Variants in CASP1 observed in about 807,000 individuals in gnomAD.
CASP1 encodes the protein caspase 1.
CASP1 carries 31 observed loss-of-function variants against 41.2 expected under a neutral mutation model. That is an observed-to-expected ratio of 0.75 (90% CI 0.57 to 1.02). The LOEUF (loss-of-function observed/expected upper bound fraction) is 1.02. Ranked by LOEUF, CASP1 falls within the 50% of genes least tolerant of loss-of-function variation. The probability of loss-of-function intolerance (pLI) is 0.00; values close to 1 mark genes in which losing one functional copy is unlikely to be tolerated. For missense variants in CASP1, 490 were observed against 495.7 expected (o/e 0.99, Z 0.11); for synonymous variants, 163 against 166.5 (o/e 0.98, Z 0.16).
intron 3 of CASP1, 32 bp from the exon 4 acceptor site, chr11:105,031,312 G>A (rs754891981): frequency 1.6e-6 from 2 of 1,260,836 alleles, no homozygotes; most frequent in African/African-American, 1.5e-5. Flanking sequence ...ATGAACAGTG[G>A]CATCCCTGTT....
At chr11:105,026,690 G>C in intron 8 of CASP1, 152 bp downstream of exon 8, 1 of 618,544 alleles carries the variant, frequency 1.6e-6, no homozygotes. Flanking sequence ...AGGCTCCTGG[G>C]TTTGTCCACT....
intron 5 of CASP1, 87 bp downstream of exon 5, chr11:105,030,243 A>AT: frequency 8.9e-7 from 1 of 1,125,452 alleles, no homozygotes; most frequent in Non-Finnish European, 1.3e-6. Context: ...AAGAGATTAC[A>AT]TTTCTTGGTC....
chr11:105,034,964 C>G, intron 1 of CASP1, 143 bp downstream of exon 1: 14 of 1,057,214 alleles, frequency 1.3e-5, no homozygotes, highest in Non-Finnish European at 1.7e-5. Context: ...TCTTCTAGTT[C>G]CTTCTCTCCT....
At chr11:105,035,190 T>TTGGGAA, upstream of CASP1, 4 of 1,585,942 alleles carry the variant, frequency 2.5e-6, no homozygotes, top group Admixed American at 3.3e-5. Context: ...GGCCTGTACA[T>TTGGGAA]GTATTGGGAA....
Position 105,031,163 on chromosome 11 carries a change from A to C in CASP1, c.453+2T>G, listed in dbSNP as rs1380207758. On this transcript the variant is annotated splice_donor_variant, in intron 4 of 8. Coordinates refer to ENST00000533400, the MANE Select transcript of CASP1 (RefSeq NM_001257118.3). LOFTEE classifies it high-confidence loss of function. ...TCTATCCTTGGGTTCTGAGCATGGC[A>C]CCTCTGCCGACTTTTGTTTCCATAT... 1 of 1,568,852 alleles carries C rather than the reference A, an allele frequency of 6.4e-7. No homozygotes were observed. Among genetic ancestry groups the C allele is most frequent in the Non-Finnish European group, 8.8e-7 (1 of 1,139,162 alleles).
chr11:105,035,616 C>CTTTTTTTTTTTTTTTTTTTT (rs770202897), upstream of CASP1, among the ~76,000 whole-genome samples: 21 of 52,046 alleles, frequency 4.0e-4, no homozygotes, highest in Admixed American at 5.9e-4. Context: ...TTTTTTCTTT[C>CTTTTTTTTTTTTTTTTTTTT]TGTTTTTTTT....
upstream of CASP1, among the ~76,000 whole-genome samples, chr11:105,035,826 G>A (rs1291417809): frequency 1.3e-5 from 2 of 151,786 alleles, no homozygotes; most frequent in Admixed American, 6.6e-5. Flanking sequence ...GTGTTTCCTA[G>A]GCTTGTCTTC....
Position 105,025,621 on chromosome 11 carries a change from T to TAAAA in CASP1, c.*633_*636dup. Reference sequence around the variant, plus strand: ...ACTTCCTATGAGAAAAAGAAATAATTAAAAAAAAAAACATAGGAAAGAATT... The same window carrying TAAAA: ...ACTTCCTATGAGAAAAAGAAATAATTAAAAAAAAAAAAAAACATAGGAAAGAATT... On this transcript the variant is annotated 3_prime_UTR_variant, in exon 9 of 9. Transcript: ENST00000533400. 2.9e-6 allele frequency: 1 copy of TAAAA among 342,146 alleles called. No homozygotes were observed. Among genetic ancestry groups the TAAAA allele is most frequent in the Non-Finnish European group, 5.7e-6 (1 of 175,564 alleles). 21.2% of individuals were successfully genotyped at this position (342,146 alleles called of 1,614,324 possible).
At chr11:105,035,974 T>G (rs1020325932), upstream of CASP1, among the ~76,000 whole-genome samples, 2 of 152,098 alleles carry the variant, frequency 1.3e-5, no homozygotes, top group African/African-American at 4.8e-5. Context: ...GGCTCTGGAA[T>G]GAGAATGTCG....
At chr11:105,029,613 A>G in intron 6 of CASP1, 52 bp downstream of exon 6, 1 of 1,353,398 alleles carries the variant, frequency 7.4e-7, no homozygotes, top group Non-Finnish European at 1.1e-6. Flanking sequence ...GGATGCATAC[A>G]GAGTAGGATA....
chr11:105,033,159 C>T (rs1360117008), intron 2 of CASP1, 33 bp from the exon 3 acceptor site: 2 of 1,306,876 alleles, frequency 1.5e-6, no homozygotes, highest in Non-Finnish European at 2.2e-6. Flanking sequence ...GAAGTAGTCA[C>T]TTATCATCTC....
intron 7 of CASP1, among the ~76,000 whole-genome samples, chr11:105,028,021 C>G (rs1415274178): frequency 6.6e-6 from 1 of 152,070 alleles, no homozygotes; most frequent in Admixed American, 6.6e-5. Context: ...CTACAAAGAG[C>G]TACTTAGAGA....
chr11:105,034,701 C>A (rs1863916494), intron 1 of CASP1: 4 of 703,328 alleles, frequency 5.7e-6, no homozygotes, highest in African/African-American at 5.4e-5. Context: ...CCACATCAGT[C>A]CCTGGAAAGC....
rs138314317 is a variant in CASP1, at chr11:105,029,146, G to T, written c.984C>A (p.Ile328=). The part of the protein sequence containing the change: ...IKKAHIEKDF[I]AFCSSTPDNV... Reference sequence around the variant, plus strand: ...TACCTGGTGTGGAAGAGCAGAAAGCGATAAAATCCTTCTCTATGTGGGCTT... The same window carrying T: ...TACCTGGTGTGGAAGAGCAGAAAGCTATAAAATCCTTCTCTATGTGGGCTT... The change falls in exon 7 of 9, where the codon ATC becomes ATA. Residue 328 remains isoleucine (I), a synonymous_variant. Transcript: ENST00000533400. The T allele has an allele frequency of 7.4e-6, 12 of 1,613,104 alleles. 1 individual carries two copies. The East Asian group carries it at 2.7e-4, about 36-fold the overall frequency.
chr11:105,036,475 G>C (rs1864024556), upstream of CASP1, among the ~76,000 whole-genome samples: 3 of 152,238 alleles, frequency 2.0e-5, no homozygotes, highest in South Asian at 6.2e-4. Context: ...TGTTATGGGA[G>C]GTATCTGGTG....
At chr11:105,026,643 TG>T in intron 8 of CASP1, 198 bp downstream of exon 8, 1 of 601,954 alleles carries the variant, frequency 1.7e-6, no homozygotes, top group East Asian at 2.7e-5. Context: ...ACTAAATGAT[TG>T]TTTTCTCAAG....
Position 105,026,375 on chromosome 11 carries a change from T to C in CASP1, c.1117-19A>G. The C allele has an allele frequency of 6.6e-7, 1 of 1,515,510 alleles. No individual in the cohort carries two copies. Among genetic ancestry groups the C allele is most frequent in the Non-Finnish European group, 9.0e-7 (1 of 1,105,600 alleles). The allele number at this position is 1,515,510 out of a possible 1,614,324, so 93.9% of individuals were successfully genotyped here. A position where few individuals can be genotyped will look rare whatever the true frequency, so the allele number is the denominator to read the frequency against. ...ATCGAACCTAAAAGAGTAAGGAAAG[T>C]CTGTAGCCCTTTTTTTTGCTGAGTT... On this transcript the variant is annotated intron_variant, in intron 8 of 8. Transcript: ENST00000533400.
chr11:105,032,066 A>G (rs924252852), intron 3 of CASP1, among the ~76,000 whole-genome samples: 7 of 152,202 alleles, frequency 4.6e-5, no homozygotes, highest in Admixed American at 1.3e-4. Context: ...TAAAATAGAA[A>G]TAAGTTTTCT....
intron 4 of CASP1, 176 bp from the exon 5 acceptor site, chr11:105,030,679 C>T (rs1248147504): frequency 5.7e-6 from 3 of 529,502 alleles, no homozygotes; most frequent in Non-Finnish European, 9.8e-6. Flanking sequence ...ATGGACATTG[C>T]AAATGCCCAG....
Sources: allele counts gnomAD v4.1 joint callset (sites outside exome capture counted in the v4.1 genomes callset), GRCh38; gene constraint gnomAD v4.1.1; transcripts MANE v1.5; gene names NCBI Gene and HGNC (gene_info 2026-07-23, HGNC 2026-07-21).